The following ST3GAL1 variants were observed in gnomAD, a reference collection of about 807,000 sequenced individuals.
The protein encoded by ST3GAL1 is CMP-N-acetylneuraminate-beta-galactosamide-alpha-2,3-sialyltransferase 1.
ST3GAL1 carries 16 observed loss-of-function variants against 34.1 expected under a neutral mutation model. The observed-to-expected ratio is 0.47, with a 90% CI of 0.32 to 0.71. The LOEUF (loss-of-function observed/expected upper bound fraction) is 0.71. ST3GAL1 is among the 30% of genes least tolerant of loss of function. The pLI is 0.04. For missense variants in ST3GAL1, 353 were observed against 447.4 expected (o/e 0.79, Z 1.90); for synonymous variants, 191 against 184.7 (o/e 1.03, Z -0.28).
intron 2 of ST3GAL1, among the ~76,000 whole-genome samples, chr8:133,540,294 G>A (rs1818427721): frequency 6.6e-6 from 1 of 152,154 alleles, no homozygotes. Flanking sequence ...GCTCCTCGCT[G>A]CTGCCCATCG....
intron 2 of ST3GAL1, among the ~76,000 whole-genome samples, chr8:133,541,112 T>G (rs1177700322): frequency 0.027 from 1,078 of 40,650 alleles, 112 homozygotes; most frequent in South Asian, 0.069. Context: ...TATATATATA[T>G]ATATATATAG....
chr8:133,475,895 G>A lies in ST3GAL1; in HGVS notation c.130C>T (p.Leu44=). The change falls in exon 5 of 10, where the codon CTG becomes TTG. Residue 44 remains leucine (L), a synonymous_variant. Transcript: ENST00000522652. Reference sequence around the variant, plus strand: ...CTCTTCAGGTTCTCGGAGAGCTCCAGGACCATCTGCTTGGGGAACCAGGTG... The same window carrying A: ...CTCTTCAGGTTCTCGGAGAGCTCCAAGACCATCTGCTTGGGGAACCAGGTG... ...ATTWFPKQMV[L]ELSENLKRLI... is the part of the protein sequence containing the mutation. The A allele has an allele frequency of 2.5e-6, 4 of 1,614,132 alleles. No homozygotes were observed. The highest frequency in any genetic ancestry group is 3.4e-6 in the Non-Finnish European group (4 of 1,180,030).
Position 133,461,945 on chromosome 8 carries a change from A to G in ST3GAL1, c.779T>C (p.Leu260Pro). The change falls in exon 9 of 10, where the codon CTG becomes CCG. Residue 260 changes from leucine to proline, a missense_variant. Coordinates refer to ENST00000522652, the MANE Select transcript of ST3GAL1 (RefSeq NM_173344.3). The surrounding 1 kb of genome is among the most constrained non-coding windows in gnomAD (Gnocchi z 4.7). ...AFIKYVFDNW[L>P]QGHGRYPSTG... ...AGATGGGTATCGCCCGTGCCCTTGCAGCCAGTTGTCAAAGACATACTTGAT... is the reference window on the plus strand; with the variant it reads ...AGATGGGTATCGCCCGTGCCCTTGCGGCCAGTTGTCAAAGACATACTTGAT... 1 of 1,614,218 alleles carries G rather than the reference A, an allele frequency of 6.2e-7. No homozygotes were observed. Among genetic ancestry groups the G allele is most frequent in the Non-Finnish European group, 8.5e-7 (1 of 1,180,046 alleles).
intron 2 of ST3GAL1, chr8:133,539,742 T>C (rs1244963533): frequency 5.9e-5 from 9 of 151,826 alleles, no homozygotes; most frequent in Non-Finnish European, 1.5e-5. Flanking sequence ...ATAAAAAATA[T>C]AAAAATTAGC....
intron 2 of ST3GAL1, among the ~76,000 whole-genome samples, chr8:133,540,698 TATATATATACAGAC>T (rs1818438857): frequency 6.1e-5 from 9 of 146,490 alleles, no homozygotes; most frequent in South Asian, 2.1e-4. Flanking sequence ...CCACACCATA[TATATATATACAGAC>T]ATATATATAT....
chr8:133,527,949 C>T (rs1044428982), intron 2 of ST3GAL1, among the ~76,000 whole-genome samples: 1 of 150,982 alleles, frequency 6.6e-6, no homozygotes, highest in African/African-American at 2.4e-5. Context: ...CCAAAGTGGG[C>T]AGATCGAAGT....
At chr8:133,545,044 T>C (rs1423483564) in intron 2 of ST3GAL1, among the ~76,000 whole-genome samples, 1 of 152,244 alleles carries the variant, frequency 6.6e-6, no homozygotes, top group Admixed American at 6.5e-5. Flanking sequence ...GCACTATCCA[T>C]GGGTACCCAT....
chr8:133,462,083 T>C, intron 8 of ST3GAL1, 89 bp from the exon 9 acceptor site: 2 of 1,577,604 alleles, frequency 1.3e-6, no homozygotes, highest in East Asian at 4.5e-5. Context: ...GTTGTGGCCA[T>C]GGAGGCACAG....
At chr8:133,485,850 T>G (rs1816571763) in intron 3 of ST3GAL1, among the ~76,000 whole-genome samples, 1 of 151,996 alleles carries the variant, frequency 6.6e-6, no homozygotes, top group African/African-American at 2.4e-5. Flanking sequence ...GGGGGCTGTT[T>G]GCGGTGACCC....
chr8:133,477,393 T>C (rs184519789), intron 3 of ST3GAL1, among the ~76,000 whole-genome samples: 33 of 152,382 alleles, frequency 2.2e-4, no homozygotes, highest in African/African-American at 6.7e-4. Flanking sequence ...CAGAATATAC[T>C]GTCAGCTAGA....
chr8:133,470,711 G>T (rs1490763519), intron 5 of ST3GAL1, among the ~76,000 whole-genome samples: 1 of 152,180 alleles, frequency 6.6e-6, no homozygotes. Context: ...GGAGAAGGAA[G>T]GGGAGGTCTC....
chr8:133,455,051 A>C lies in ST3GAL1; in HGVS notation c.*4713T>G, dbSNP rs911831235. The C allele has an allele frequency of 6.6e-6, 1 of 152,238 alleles. No individual in the cohort carries two copies. The highest frequency in any genetic ancestry group is 1.5e-5 in the Non-Finnish European group (1 of 68,082). 9.4% of individuals were successfully genotyped at this position (152,238 alleles called of 1,614,324 possible). On this transcript the variant is annotated 3_prime_UTR_variant, in exon 10 of 10. Coordinates refer to ENST00000522652, the MANE Select transcript of ST3GAL1 (RefSeq NM_173344.3). ...AATTTAAAAACACCAACACCCAAAC[A>C]CACAAGACTGCACACAAGAAAAAGT... is the stretch of plus-strand genomic sequence containing the variant.
chr8:133,496,156 C>T (rs964968252), intron 3 of ST3GAL1, among the ~76,000 whole-genome samples: 4 of 152,150 alleles, frequency 2.6e-5, no homozygotes, highest in African/African-American at 7.2e-5. Flanking sequence ...TTAAGAGAAC[C>T]CTTCAGGAGC....
intron 3 of ST3GAL1, among the ~76,000 whole-genome samples, chr8:133,483,126 G>A (rs1050748811): frequency 2.0e-5 from 3 of 152,162 alleles, no homozygotes; most frequent in Non-Finnish European, 2.9e-5. Context: ...CGGATCACTC[G>A]AGGTCAGGAG....
rs775518948 is a variant in ST3GAL1 at position 133,476,312 on chromosome 8, A to T, written c.-85T>A. Reference sequence around the variant, plus strand: ...AAATAAAGTAGCCTATTCTTCTGCAATCCTTAAAGAGCTGATAATGTCTCT... The same window carrying T: ...AAATAAAGTAGCCTATTCTTCTGCATTCCTTAAAGAGCTGATAATGTCTCT... On this transcript the variant is annotated 5_prime_UTR_variant, in exon 4 of 10. The change creates a new upstream start codon in the 5' untranslated region. Coordinates refer to ENST00000522652, the MANE Select transcript of ST3GAL1 (RefSeq NM_173344.3). The T allele has an allele frequency of 1.3e-5, 4 of 309,508 alleles. No individual in the cohort carries two copies. In the Admixed American group the frequency reaches 1.8e-4, roughly 14 times the overall value. 19.2% of individuals were successfully genotyped at this position (309,508 alleles called of 1,614,324 possible).
At chr8:133,475,612 A>T in intron 5 of ST3GAL1, 107 bp downstream of exon 5, 1 of 1,323,606 alleles carries the variant, frequency 7.6e-7, no homozygotes, top group Non-Finnish European at 1.0e-6. Flanking sequence ...TCCCACTTTC[A>T]GCCCAGGCCT....
chr8:133,512,417 G>C (rs995824740), intron 2 of ST3GAL1, among the ~76,000 whole-genome samples: 4 of 152,230 alleles, frequency 2.6e-5, no homozygotes, highest in African/African-American at 9.6e-5. Context: ...GCTGGCAGCT[G>C]ATTAGATGGT....
intron 2 of ST3GAL1, among the ~76,000 whole-genome samples, chr8:133,535,383 C>G (rs1277540366): frequency 6.6e-6 from 1 of 152,206 alleles, no homozygotes; most frequent in African/African-American, 2.4e-5. Context: ...CTTAATCAGA[C>G]TTCACAGGTG....
rs1819549680 is a variant in ST3GAL1, at chr8:133,570,922, G to A, written c.-582+771C>T. 6.6e-6 allele frequency among the ~76,000 whole-genome samples: 1 copy of A among 152,320 alleles called. No homozygotes were observed. The highest frequency in any genetic ancestry group is 3.4e-3 in the Middle Eastern group (1 of 294). On this transcript the variant is annotated intron_variant, in intron 1 of 9. Coordinates refer to ENST00000522652, the MANE Select transcript of ST3GAL1 (RefSeq NM_173344.3). This position sits in a 1 kb window ranked among gnomAD's most constrained non-coding sequence, Gnocchi z 5.6. ...TTTCTTGGGAGCTGCGACGCCTCAC[G>A]GGGTTGGGGCGGATTCAGAGTTTCG...
Sources: allele counts gnomAD v4.1 joint callset (sites outside exome capture counted in the v4.1 genomes callset), GRCh38; gene constraint gnomAD v4.1.1; non-coding constraint Gnocchi (gnomAD v3.1); transcripts MANE v1.5; gene names NCBI Gene and HGNC (gene_info 2026-07-23, HGNC 2026-07-21).